IMPG2: variants seen among roughly 807,000 people sequenced by gnomAD.
The protein encoded by IMPG2 is IPM 200.
A neutral mutation model predicts 129.2 loss-of-function variants in IMPG2; 91 were observed. That is an observed-to-expected ratio of 0.70 (90% confidence interval 0.59 to 0.84). IMPG2 has a LOEUF of 0.84. Ranked by LOEUF, IMPG2 falls within the 40% of genes least tolerant of loss-of-function variation. The probability of loss-of-function intolerance (pLI) is 0.00; values close to 1 mark genes in which losing one functional copy is unlikely to be tolerated. For missense variants in IMPG2, 1,430 were observed against 1,461.7 expected, an observed-to-expected ratio of 0.98 and a Z score of 0.35; for synonymous variants, 510 against 517.7, an observed-to-expected ratio of 0.99 and a Z score of 0.20.
At chr3:101,316,636 G>A (rs1004132429) in intron 2 of IMPG2, among the ~76,000 whole-genome samples, 3 of 152,042 alleles carry the variant, frequency 2.0e-5, no homozygotes, top group East Asian at 1.9e-4. Flanking sequence ...TGAAGAAAAC[G>A]GAATCCTACT....
At chr3:101,238,893 C>T (rs924546745) in intron 14 of IMPG2, among the ~76,000 whole-genome samples, 16 of 152,274 alleles carry the variant, frequency 1.1e-4, no homozygotes, top group African/African-American at 3.6e-4. Context: ...TGTAAACAGG[C>T]TAAATGCCCC....
intron 8 of IMPG2, among the ~76,000 whole-genome samples, chr3:101,268,498 C>G (rs1706744863): frequency 6.6e-6 from 1 of 152,162 alleles, no homozygotes; most frequent in African/African-American, 2.4e-5. Context: ...CACTAACTAG[C>G]TAAACAACAC....
intron 4 of IMPG2, among the ~76,000 whole-genome samples, chr3:101,290,020 A>G (rs1338791147): frequency 6.6e-6 from 1 of 151,782 alleles, no homozygotes; most frequent in Non-Finnish European, 1.5e-5. Context: ...AATGATTGAT[A>G]TAGCTTCGGG....
chr3:101,226,144 C>A lies in IMPG2; in HGVS notation c.*825G>T. The A allele has an allele frequency of 6.6e-6, 1 of 152,164 alleles. No individual in the cohort carries two copies. 9.4% of individuals were successfully genotyped at this position (152,164 alleles called of 1,614,324 possible). ...CAAGAAACAAAATATATTCTCAGCA[C>A]TGGGGTCTTGACCCGACACTCACTC... On this transcript the variant is annotated 3_prime_UTR_variant, in exon 19 of 19. Coordinates refer to ENST00000193391, the MANE Select transcript of IMPG2 (RefSeq NM_016247.4).
At chr3:101,231,734 G>C (rs1706290296) in intron 15 of IMPG2, among the ~76,000 whole-genome samples, 1 of 152,090 alleles carries the variant, frequency 6.6e-6, no homozygotes, top group Admixed American at 6.5e-5. Context: ...TGCCCATTTT[G>C]ACCTTGCAGA....
At position 101,257,700 on chromosome 3, in the gene IMPG2, G is replaced by A. The variant is rs1706626389; in HGVS notation, c.982C>T (p.Leu328Phe). The change falls in exon 10 of 19, where the codon CTT (leucine) becomes TTT (phenylalanine). Residue 328 changes from leucine to phenylalanine, a missense_variant. Physicochemically the swap from Leu to Phe is conservative, Grantham distance 22 (BLOSUM62 0). Coordinates refer to ENST00000193391, the MANE Select transcript of IMPG2 (RefSeq NM_016247.4). ...TGGTTTTCCACCTTGTTGGAGTGAA[G>A]GCTAATGAGGTCCCAGGTGGTATTG... Reference protein sequence around the residue: ...ISNTTWDLISLHSNKVENHGL... With the variant: ...ISNTTWDLISFHSNKVENHGL... 1 of 1,613,412 alleles carries A rather than the reference G, an allele frequency of 6.2e-7. No individual in the cohort carries two copies. The highest frequency in any genetic ancestry group is 1.1e-5 in the South Asian group (1 of 91,070).
At chr3:101,282,948 ATATT>A (rs1355823056) in intron 4 of IMPG2, among the ~76,000 whole-genome samples, 1 of 152,206 alleles carries the variant, frequency 6.6e-6, no homozygotes, top group Admixed American at 6.5e-5. Flanking sequence ...GTTAAGTGAC[ATATT>A]TATTATGGTA....
chr3:101,252,948 A>C (rs1055790962), intron 11 of IMPG2, among the ~76,000 whole-genome samples: 2 of 152,192 alleles, frequency 1.3e-5, no homozygotes, highest in African/African-American at 4.8e-5. Context: ...ATATGATAAC[A>C]AAAGATTCCT....
At chr3:101,312,538 T>A (rs988924607) in intron 2 of IMPG2, among the ~76,000 whole-genome samples, 7 of 152,016 alleles carry the variant, frequency 4.6e-5, no homozygotes, top group African/African-American at 1.7e-4. Flanking sequence ...GGCAAAGATA[T>A]GACTAAATCA....
chr3:101,273,817 A>G, intron 6 of IMPG2, 75 bp from the exon 7 acceptor site: 1 of 1,410,674 alleles, frequency 7.1e-7, no homozygotes, highest in South Asian at 1.2e-5. Context: ...GATTGTTTCA[A>G]TGTGTCAGAA....
Position 101,320,315 on chromosome 3 carries a change from T to C in IMPG2, c.58A>G (p.Ile20Val), listed in dbSNP as rs796250054. The C allele has an allele frequency of 6.2e-7, 1 of 1,604,020 alleles. No individual in the cohort carries two copies. The highest frequency in any genetic ancestry group is 1.7e-5 in the Admixed American group (1 of 59,752). The change falls in exon 1 of 19, where the codon ATA becomes GTA. Residue 20 changes from isoleucine (I) to valine (V), a missense_variant. Physicochemically the swap from Ile to Val is conservative, Grantham distance 29. Transcript: ENST00000193391. ...ISLGILIFVLIEGDFPSLTAQ... is the reference protein window; with the variant it reads ...ISLGILIFVLVEGDFPSLTAQ... ...GTTAATGATGGAAAGTCTCCTTCTA[T>C]CAGGACAAATATCAAAATACCCAGA... is the stretch of plus-strand genomic sequence containing the variant.
intron 9 of IMPG2, among the ~76,000 whole-genome samples, chr3:101,263,805 T>C (rs1706694253): frequency 6.6e-6 from 1 of 150,644 alleles, no homozygotes; most frequent in Non-Finnish European, 1.5e-5. Context: ...AAACCATTAG[T>C]TAGACTTATG....
At position 101,244,417 on chromosome 3, in the gene IMPG2, T is replaced by C; in HGVS notation, c.1914A>G (p.Ser638=). The C allele has an allele frequency of 6.2e-7, 1 of 1,614,200 alleles. No homozygotes were observed. The highest frequency in any genetic ancestry group is 8.5e-7 in the Non-Finnish European group (1 of 1,180,020). The change falls in exon 13 of 19, where the codon TCA becomes TCG. Residue 638 remains serine (S), a synonymous_variant. Transcript: ENST00000193391. ...TGTCTTCAATCTCAGCTGGCAAAAG[T>C]GAATCATCATCTTCAAGCCACGGCT... ...LSKPWLEDDD[S]LLPAEIEDKK...
At chr3:101,260,926 C>T (rs2107237993) in intron 9 of IMPG2, among the ~76,000 whole-genome samples, 1 of 152,214 alleles carries the variant, frequency 6.6e-6, no homozygotes, top group East Asian at 1.9e-4. Flanking sequence ...CAATTTTGTT[C>T]CCTAATGAAG....
At chr3:101,263,801 T>C (rs1057448146) in intron 9 of IMPG2, among the ~76,000 whole-genome samples, 5 of 150,418 alleles carry the variant, frequency 3.3e-5, no homozygotes, top group East Asian at 2.0e-4. Context: ...CAACAAACCA[T>C]TAGTTAGACT....
intron 3 of IMPG2, among the ~76,000 whole-genome samples, chr3:101,292,708 T>C (rs957070568): frequency 3.3e-5 from 5 of 152,338 alleles, no homozygotes; most frequent in South Asian, 4.1e-4. Context: ...TGATATGTAA[T>C]GCAGTTGATA....
chr3:101,303,893 CTT>C (rs1321356753), intron 3 of IMPG2, among the ~76,000 whole-genome samples: 1 of 152,120 alleles, frequency 6.6e-6, no homozygotes, highest in Non-Finnish European at 1.5e-5. Context: ...GGCTGAGGCT[CTT>C]GTCTGAGTTA....
chr3:101,291,394 A>C, intron 4 of IMPG2, 85 bp downstream of exon 4: 1 of 1,107,886 alleles, frequency 9.0e-7, no homozygotes, highest in East Asian at 2.3e-5. Context: ...ATAGAAAGGC[A>C]CCATTAAATT....
chr3:101,307,439 C>T (rs771375500), intron 2 of IMPG2, among the ~76,000 whole-genome samples: 2 of 152,162 alleles, frequency 1.3e-5, no homozygotes, highest in Non-Finnish European at 2.9e-5. Flanking sequence ...ACTCACAGTT[C>T]CACATGGGTG....
Sources: gnomAD v4.1 joint callset for allele counts (sites outside exome capture counted in the v4.1 genomes callset) on GRCh38, gnomAD v4.1.1 for gene constraint, MANE v1.5 for transcripts, NCBI Gene and HGNC (gene_info 2026-07-23, HGNC 2026-07-21) for gene names.